The following OSBPL5 variants were observed in gnomAD, a reference collection of about 807,000 sequenced individuals.
The protein encoded by OSBPL5 is oxysterol binding protein like 5.
In OSBPL5, 71 loss-of-function variants were observed where a neutral mutation model predicts 111.2. The observed-to-expected ratio is 0.64, with a 90% confidence interval of 0.53 to 0.78. The LOEUF is 0.78. OSBPL5 is among the 30% of genes least tolerant of loss of function. OSBPL5 has a pLI of 0.00. For missense variants in OSBPL5, 1,210 were observed against 1,189.3 expected (o/e 1.02, Z -0.26); for synonymous variants, 549 against 513.9 (o/e 1.07, Z -0.93).
chr11:3,163,268 C>T (rs991793155), intron 1 of OSBPL5, among the ~76,000 whole-genome samples: 1 of 152,284 alleles, frequency 6.6e-6, no homozygotes, highest in South Asian at 2.1e-4. Flanking sequence ...GTAAGTTTTC[C>T]ACCTGCACAC....
rs371333317 is a variant in OSBPL5 at position 3,103,283 on chromosome 11, G to C, written c.1282C>G (p.Leu428Val). Residue 428 changes from leucine to valine, a missense_variant, in exon 11 of 22, where the codon CTG (leucine) becomes GTG (valine). Leu to Val is a conservative substitution (Grantham distance 32). Transcript: ENST00000263650. Reference sequence around the variant, plus strand: ...CCAGACAGGTACCACCGCAGCACCAGCTTCATGCGGCTGTAGGCATCCTCC... The same window carrying C: ...CCAGACAGGTACCACCGCAGCACCACCTTCATGCGGCTGTAGGCATCCTCC... The part of the protein sequence containing the change: ...VEEDAYSRMK[L>V]VLRWYLSGFY... 1.2e-5 allele frequency: 19 copies of C among 1,608,322 alleles called. No individual in the cohort carries two copies. The highest frequency in any genetic ancestry group is 1.4e-5 in the Non-Finnish European group (16 of 1,177,514).
At chr11:3,124,255 G>C (rs528924153) in intron 3 of OSBPL5, among the ~76,000 whole-genome samples, 13 of 152,278 alleles carry the variant, frequency 8.5e-5, no homozygotes, top group African/African-American at 3.1e-4. Context: ...CACTTTCTTA[G>C]CCAAGTAAGA....
chr11:3,106,497 C>T lies in OSBPL5; in HGVS notation c.1059+766G>A, dbSNP rs1290386137. Among the ~76,000 whole-genome samples the T allele has an allele frequency of 6.6e-6, 1 of 152,060 alleles. No homozygotes were observed. Among genetic ancestry groups the T allele is most frequent in the Non-Finnish European group, 1.5e-5 (1 of 67,998 alleles). On this transcript the variant is annotated intron_variant, in intron 9 of 21. Transcript: ENST00000263650. The surrounding 1 kb of genome is among the most constrained non-coding windows in gnomAD (Gnocchi z 8.4). ...AGATCCTGTGATTCCTTCCGGACTC[C>T]CCTTCCTGAGGCGCCCCACGGTGCC...
In OSBPL5 at chr11:3,092,550, G is replaced by A; in HGVS notation, c.2141C>T (p.Pro714Leu). ...GGCGATGTCCTTCAGGGGGTCCCAG[G>A]GGCTGTGGCTGGAGGGTCCAGAGGG... ...EWHYRYEDHS[P>L]WDPLKDIAQF... The change falls in exon 19 of 22, where the codon CCC becomes CTC. Residue 714 changes from proline to leucine, a missense_variant. By Grantham distance (98) the Pro-to-Leu change is moderately conservative (BLOSUM62 -3). Coordinates refer to ENST00000263650, the MANE Select transcript of OSBPL5 (RefSeq NM_020896.4). The surrounding 1 kb of genome is among the most constrained non-coding windows in gnomAD (Gnocchi z 5.4). The A allele has an allele frequency of 6.3e-7, 1 of 1,590,762 alleles. No individual in the cohort carries two copies. The highest frequency in any genetic ancestry group is 8.6e-7 in the Non-Finnish European group (1 of 1,168,654).
Position 3,138,211 on chromosome 11 carries a change from G to T in OSBPL5, c.-21-9042C>A, listed in dbSNP as rs190921783. Among the ~76,000 whole-genome samples, 30 of 152,292 alleles carry T rather than the reference G, an allele frequency of 2.0e-4. 1 individual carries two copies. The highest frequency in any genetic ancestry group is 1.0e-3 in the Admixed American group (16 of 15,310). On this transcript the variant is annotated intron_variant, in intron 1 of 21. Coordinates refer to ENST00000263650, the MANE Select transcript of OSBPL5 (RefSeq NM_020896.4). Reference sequence around the variant, plus strand: ...AGCAGCTACTGGGTCAGCTGGCCTTGGTACCCCGACCCCACACCCCTGTAG... The same window carrying T: ...AGCAGCTACTGGGTCAGCTGGCCTTTGTACCCCGACCCCACACCCCTGTAG...
At chr11:3,094,106 G>T in intron 15 of OSBPL5, 131 bp downstream of exon 15, 2 of 897,544 alleles carry the variant, frequency 2.2e-6, no homozygotes, top group Non-Finnish European at 3.4e-6. Context: ...GTTCCGGGAT[G>T]TCAACAGCTG....
At position 3,089,899 on chromosome 11, in the gene OSBPL5, C is replaced by T. The variant is rs1202620204; in HGVS notation, c.2448G>A (p.Gln816=). The T allele has an allele frequency of 1.3e-6, 2 of 1,566,084 alleles. No homozygotes were observed. The highest frequency in any genetic ancestry group is 3.7e-5 in the Admixed American group (2 of 53,524). Residue 816 remains glutamine (Q), a synonymous_variant, in exon 21 of 22, where the codon CAG becomes CAA. Coordinates refer to ENST00000263650, the MANE Select transcript of OSBPL5 (RefSeq NM_020896.4). ...PRCRKEARRL[Q]ALHEAILSIR... is the part of the protein sequence containing the mutation. ...TGGAGAGGATGGCCTCGTGCAGGGC[C>T]TGCAGCCGCCGCGCCTCCTTCCTGC...
Position 3,102,193 on chromosome 11 carries a change from A to G in OSBPL5, c.1415T>C (p.Ile472Thr). The G allele has an allele frequency of 2.5e-6, 4 of 1,603,764 alleles. No individual in the cohort carries two copies. Among genetic ancestry groups the G allele is most frequent in the Non-Finnish European group, 3.4e-6 (4 of 1,175,772 alleles). The part of the protein sequence containing the change: ...HPQTDSRTFY[I>T]AEQVSHHPPV... ...CAGAGGTGCTCTTGCCTGCTCTGCT[A>G]TGTAGAATGTGCGGCTGTCAGTCTG... Residue 472 changes from isoleucine to threonine, a missense_variant, in exon 12 of 22, where the codon ATA becomes ACA. By Grantham distance (89) the Ile-to-Thr change is moderately conservative (BLOSUM62 -1). Transcript: ENST00000263650.
At chr11:3,100,038 GT>G in intron 14 of OSBPL5, 119 bp downstream of exon 14, 1 of 467,540 alleles carries the variant, frequency 2.1e-6, no homozygotes. Flanking sequence ...AAAAAAAAAA[GT>G]CATGGGCAGA....
intron 10 of OSBPL5, 133 bp from the exon 11 acceptor site, chr11:3,103,453 C>G (rs1042866726): frequency 4.8e-5 from 34 of 710,250 alleles, no homozygotes; most frequent in Non-Finnish European, 2.1e-5. Context: ...CCCAGGCGCT[C>G]TGGTCACCCC....
intron 1 of OSBPL5, among the ~76,000 whole-genome samples, chr11:3,152,731 C>T (rs921404923): frequency 6.6e-6 from 1 of 152,178 alleles, no homozygotes; most frequent in African/African-American, 2.4e-5. Context: ...TGCGAGTGGG[C>T]GTTTGATACA....
intron 1 of OSBPL5, among the ~76,000 whole-genome samples, chr11:3,138,523 G>A (rs1201080690): frequency 1.3e-5 from 2 of 152,364 alleles, no homozygotes; most frequent in South Asian, 2.1e-4. Context: ...TCTCAAACCC[G>A]CCACGCTGAG....
At chr11:3,097,759 T>C (rs1857323106) in intron 14 of OSBPL5, among the ~76,000 whole-genome samples, 1 of 152,078 alleles carries the variant, frequency 6.6e-6, no homozygotes, top group South Asian at 2.1e-4. Context: ...CAAGGAACAA[T>C]GCACGAGTAT....
In OSBPL5 at chr11:3,117,652, G is replaced by A. The variant is rs558512653; in HGVS notation, c.691+1895C>T. On this transcript the variant is annotated intron_variant, in intron 7 of 21. Coordinates refer to ENST00000263650, the MANE Select transcript of OSBPL5 (RefSeq NM_020896.4). ...TTGTTAGATTCTACTCTTCCCTAAT[G>A]TTTTTCAATTTTTGTTATTTTCTGC... is the stretch of plus-strand genomic sequence containing the variant. 3.3e-5 allele frequency among the ~76,000 whole-genome samples: 5 copies of A among 152,252 alleles called. No individual in the cohort carries two copies. In the East Asian group the frequency reaches 9.6e-4, roughly 29 times the overall value.
At chr11:3,122,580 G>A in intron 3 of OSBPL5, 152 bp from the exon 4 acceptor site, 1 of 658,526 alleles carries the variant, frequency 1.5e-6, no homozygotes, top group Non-Finnish European at 2.6e-6. Flanking sequence ...CCCCCCACCA[G>A]CACTTCCGGG....
At chr11:3,090,406 T>C in intron 20 of OSBPL5, 152 bp downstream of exon 20, 1 of 1,037,070 alleles carries the variant, frequency 9.6e-7, no homozygotes, top group Non-Finnish European at 1.4e-6. Flanking sequence ...GGGCAGAGCC[T>C]GCTGGGGGGC....
chr11:3,099,381 A>G (rs1564826200), intron 14 of OSBPL5, among the ~76,000 whole-genome samples: 4 of 152,198 alleles, frequency 2.6e-5, no homozygotes, highest in Admixed American at 2.6e-4. Context: ...CTGTGTACTC[A>G]GTTAGTAACA....
intron 14 of OSBPL5, among the ~76,000 whole-genome samples, chr11:3,099,154 G>A (rs778216353): frequency 6.6e-6 from 1 of 152,150 alleles, no homozygotes; most frequent in Non-Finnish European, 1.5e-5. Context: ...ATCTGAAAAC[G>A]CTCCACACCG....
intron 3 of OSBPL5, among the ~76,000 whole-genome samples, chr11:3,125,141 A>C (rs1858568080): frequency 6.6e-6 from 1 of 152,250 alleles, no homozygotes; most frequent in African/African-American, 2.4e-5. Flanking sequence ...CATCAGTGAC[A>C]GTGCCATAAG....
Sources: gnomAD v4.1 joint callset for allele counts (sites outside exome capture counted in the v4.1 genomes callset) on GRCh38, gnomAD v4.1.1 for gene constraint, Gnocchi (gnomAD v3.1) non-coding constraint, MANE v1.5 for transcripts, NCBI Gene and HGNC (gene_info 2026-07-23, HGNC 2026-07-21) for gene names.